PCDHGA11: variants seen among roughly 807,000 people sequenced by gnomAD.
PCDHGA11 encodes the protein protocadherin gamma subfamily A, 11.
A neutral mutation model predicts 60.4 loss-of-function variants in PCDHGA11; 39 were observed. The observed-to-expected ratio is 0.65, with a 90% CI of 0.50 to 0.84. The LOEUF is 0.84. Among genes scored for constraint, PCDHGA11 ranks in the 40% least tolerant of loss-of-function variants. The pLI, the probability that PCDHGA11 is intolerant of heterozygous loss-of-function variation, is 0.00. For synonymous variants in PCDHGA11, 533 were observed against 510.3 expected (o/e 1.04, Z -0.60); for missense variants, 1,165 against 1,197.7 (o/e 0.97, Z 0.40).
rs2097461148 is a variant in PCDHGA11 at position 141,432,174 on chromosome 5, T to C, written c.2433+8514T>C. ...AACAATCCCAGAGGAGTTTCCCTCGTCTCTGTGACCGCCCACGACCCCGAC... is the reference window on the plus strand; with the variant it reads ...AACAATCCCAGAGGAGTTTCCCTCGCCTCTGTGACCGCCCACGACCCCGAC... On this transcript the variant is annotated intron_variant, in intron 1 of 3. Transcript: ENST00000398587. The surrounding 1 kb of genome is among the most constrained non-coding windows in gnomAD (Gnocchi z 6.0). 1 of 1,614,088 alleles carries C rather than the reference T, an allele frequency of 6.2e-7. No homozygotes were observed. Among genetic ancestry groups the C allele is most frequent in the Non-Finnish European group, 8.5e-7 (1 of 1,180,022 alleles).
In PCDHGA11 at chr5:141,486,270, G is replaced by A. The variant is rs1052584402; in HGVS notation, c.2434-8537G>A. 2 of 1,614,062 alleles carry A rather than the reference G, an allele frequency of 1.2e-6. No homozygotes were observed. Reference sequence around the variant, plus strand: ...ACCCTCCCCGAGAGTGCAGAACCTGGCACTGTGGTGGCACTTATCAGTGTG... The same window carrying A: ...ACCCTCCCCGAGAGTGCAGAACCTGACACTGTGGTGGCACTTATCAGTGTG... On this transcript the variant is annotated intron_variant, in intron 1 of 3. Coordinates refer to ENST00000398587, the MANE Select transcript of PCDHGA11 (RefSeq NM_018914.3). This position sits in a 1 kb window ranked among gnomAD's most constrained non-coding sequence, Gnocchi z 5.0.
Position 141,510,362 on chromosome 5 carries a change from C to T in PCDHGA11, c.2582-585C>T, listed in dbSNP as rs74321279. Among the ~76,000 whole-genome samples the T allele has an allele frequency of 2.0e-4, 29 of 142,136 alleles. No homozygotes were observed. In the East Asian group the frequency reaches 5.7e-3, roughly 28 times the overall value. The allele number at this position is 142,136 out of a possible 152,430, so 93.2% of individuals were successfully genotyped here. A position where few individuals can be genotyped will look rare whatever the true frequency, so the allele number is the denominator to read the frequency against. On this transcript the variant is annotated intron_variant, in intron 3 of 3. Coordinates refer to ENST00000398587, the MANE Select transcript of PCDHGA11 (RefSeq NM_018914.3). ...CCCACACACTTACTAACGGAACTAC[C>T]GAATCTCTACTCGTGCCAGGCCTTG... is the stretch of plus-strand genomic sequence containing the variant.
At chr5:141,457,878 C>A (rs1263626843) in intron 1 of PCDHGA11, among the ~76,000 whole-genome samples, 1 of 152,190 alleles carries the variant, frequency 6.6e-6, no homozygotes, top group East Asian at 1.9e-4. Context: ...GGTTAGGAAC[C>A]CTGTGTGGGG....
intron 1 of PCDHGA11, chr5:141,478,753 G>A (rs2099475642): frequency 2.0e-6 from 3 of 1,519,424 alleles, no homozygotes; most frequent in Admixed American, 2.1e-5. Context: ...ATTTCAGGGG[G>A]AAGATACTTG....
At chr5:141,464,913 AT>A (rs1366203949) in intron 1 of PCDHGA11, among the ~76,000 whole-genome samples, 1 of 151,428 alleles carries the variant, frequency 6.6e-6, no homozygotes, top group Non-Finnish European at 1.5e-5. Context: ...TAATTTTTTT[AT>A]TTTTTTGTAG....
rs780788394 is a variant in PCDHGA11 at position 141,491,675 on chromosome 5, C to T, written c.2434-3132C>T. ...GAGCCTGACGCCATCCGGTCCCGCT[C>T]TAATACGCTGCGGGAGCGGAGCCAG... On this transcript the variant is annotated intron_variant, in intron 1 of 3. Transcript: ENST00000398587. The surrounding 1 kb of genome is among the most constrained non-coding windows in gnomAD (Gnocchi z 6.9). 6 of 1,613,450 alleles carry T rather than the reference C, an allele frequency of 3.7e-6. No homozygotes were observed. The African/African-American group carries it at 8.0e-5, about 22-fold the overall frequency.
intron 1 of PCDHGA11, among the ~76,000 whole-genome samples, chr5:141,433,837 C>CAAAAAAAA (rs56191208): frequency 1.9e-4 from 21 of 111,692 alleles, no homozygotes; most frequent in Admixed American, 5.9e-4. Context: ...AACTCTATCT[C>CAAAAAAAA]AAAAAAAAAA....
Position 141,423,610 on chromosome 5 carries a change from G to GT in PCDHGA11, c.2383_2384insT (p.Ala795ValfsTer2). 6.2e-7 allele frequency: 1 copy of GT among 1,611,424 alleles called. No homozygotes were observed. The highest frequency in any genetic ancestry group is 1.3e-5 in the African/African-American group (1 of 74,962). ...TGAGAAAAGCGAGCCACTCTTGATAGCTGAAGACTCAGCTATCATTTTAGG... is the reference window on the plus strand; with the variant it reads ...TGAGAAAAGCGAGCCACTCTTGATAGTCTGAAGACTCAGCTATCATTTTAGG... On this transcript the variant is annotated frameshift_variant, in exon 1 of 4. Transcript: ENST00000398587. LOFTEE classifies it high-confidence loss of function.
In PCDHGA11 at chr5:141,421,782, C is replaced by A; in HGVS notation, c.555C>A (p.Gly185=). ...ATTACTTTTCCTTGCAACTGCGGGGCAGAACGGATGGGGCCAAGAATCCAG... is the reference window on the plus strand; with the variant it reads ...ATTACTTTTCCTTGCAACTGCGGGGAAGAACGGATGGGGCCAAGAATCCAG... The part of the protein sequence containing the change: ...PNNYFSLQLR[G]RTDGAKNPEL... Residue 185 remains glycine (G), a synonymous_variant, in exon 1 of 4, where the codon GGC becomes GGA. Transcript: ENST00000398587. 1 of 1,613,878 alleles carries A rather than the reference C, an allele frequency of 6.2e-7. No homozygotes were observed. The highest frequency in any genetic ancestry group is 8.5e-7 in the Non-Finnish European group (1 of 1,179,874).
At chr5:141,478,355 G>T (rs1193169527) in intron 1 of PCDHGA11, 7 of 1,613,742 alleles carry the variant, frequency 4.3e-6, no homozygotes, top group Non-Finnish European at 5.1e-6. Flanking sequence ...CGCGGACGCC[G>T]TGCGGGGAGG....
In PCDHGA11 at chr5:141,476,258, G is replaced by A. The variant is rs1247889010; in HGVS notation, c.2434-18549G>A. 1 of 1,614,018 alleles carries A rather than the reference G, an allele frequency of 6.2e-7. No individual in the cohort carries two copies. Among genetic ancestry groups the A allele is most frequent in the South Asian group, 1.1e-5 (1 of 91,066 alleles). Reference sequence around the variant, plus strand: ...GGAAAGAGAGAAGGGTTTCGCTGTGGGCAACGTGGTCGCGAACCTTGGTTT... The same window carrying A: ...GGAAAGAGAGAAGGGTTTCGCTGTGAGCAACGTGGTCGCGAACCTTGGTTT... On this transcript the variant is annotated intron_variant, in intron 1 of 3. Coordinates refer to ENST00000398587, the MANE Select transcript of PCDHGA11 (RefSeq NM_018914.3). This position sits in a 1 kb window ranked among gnomAD's most constrained non-coding sequence, Gnocchi z 7.6.
At chr5:141,506,609 T>C (rs1375963880) in intron 3 of PCDHGA11, among the ~76,000 whole-genome samples, 1 of 152,184 alleles carries the variant, frequency 6.6e-6, no homozygotes, top group African/African-American at 2.4e-5. Context: ...GATCTCATTG[T>C]GGTGTTACCA....
In PCDHGA11 at chr5:141,476,235, A is replaced by G; in HGVS notation, c.2434-18572A>G. ...GTCATTCACTATGAGATCCCGGAGG[A>G]AAGAGAGAAGGGTTTCGCTGTGGGC... is the stretch of plus-strand genomic sequence containing the variant. On this transcript the variant is annotated intron_variant, in intron 1 of 3. Coordinates refer to ENST00000398587, the MANE Select transcript of PCDHGA11 (RefSeq NM_018914.3). The surrounding 1 kb of genome is among the most constrained non-coding windows in gnomAD (Gnocchi z 7.6). 2 of 1,613,844 alleles carry G rather than the reference A, an allele frequency of 1.2e-6. No homozygotes were observed. Among genetic ancestry groups the G allele is most frequent in the Admixed American group, 1.7e-5 (1 of 59,990 alleles).
intron 2 of PCDHGA11, among the ~76,000 whole-genome samples, chr5:141,499,940 G>A (rs1158937971): frequency 4.0e-5 from 6 of 151,722 alleles, no homozygotes; most frequent in Non-Finnish European, 8.8e-5. Flanking sequence ...CACCCTCCTC[G>A]GCCTCCCAAA....
chr5:141,431,699 T>C lies in PCDHGA11; in HGVS notation c.2433+8039T>C. ...GGAGTTGGACCACGAGGAGTCAGGA[T>C]TCTACCAGATGGAAGTGCAAGCAAT... is the stretch of plus-strand genomic sequence containing the variant. On this transcript the variant is annotated intron_variant, in intron 1 of 3. Coordinates refer to ENST00000398587, the MANE Select transcript of PCDHGA11 (RefSeq NM_018914.3). The surrounding 1 kb of genome is among the most constrained non-coding windows in gnomAD (Gnocchi z 4.8). 6.2e-7 allele frequency: 1 copy of C among 1,614,222 alleles called. No individual in the cohort carries two copies. Among genetic ancestry groups the C allele is most frequent in the South Asian group, 1.1e-5 (1 of 91,074 alleles).
chr5:141,430,216 A>G (rs1487666733), intron 1 of PCDHGA11, among the ~76,000 whole-genome samples: 1 of 150,536 alleles, frequency 6.6e-6, no homozygotes, highest in Non-Finnish European at 1.5e-5. Flanking sequence ...TTATTATATT[A>G]TATGATTTGT....
At chr5:141,506,444 CAAAA>C (rs1219684339) in intron 3 of PCDHGA11, among the ~76,000 whole-genome samples, 5 of 95,022 alleles carry the variant, frequency 5.3e-5, no homozygotes, top group Admixed American at 1.1e-4. Context: ...CGCTCTGTCT[CAAAA>C]AAAAAAAAAA....
chr5:141,430,622 A>T, intron 1 of PCDHGA11: 1 of 752,270 alleles, frequency 1.3e-6, no homozygotes, highest in Admixed American at 2.9e-5. Context: ...GATAGCTAGG[A>T]ATGAACCATC....
intron 1 of PCDHGA11, among the ~76,000 whole-genome samples, chr5:141,482,914 A>G (rs1023561837): frequency 6.6e-6 from 1 of 152,162 alleles, no homozygotes; most frequent in Non-Finnish European, 1.5e-5. Context: ...TCTATTAAAA[A>G]TACAAAAAAT....
Sources: gnomAD v4.1 joint callset for allele counts (sites outside exome capture counted in the v4.1 genomes callset) on GRCh38, gnomAD v4.1.1 for gene constraint, Gnocchi (gnomAD v3.1) non-coding constraint, MANE v1.5 for transcripts, NCBI Gene and HGNC (gene_info 2026-07-23, HGNC 2026-07-21) for gene names.